CLEC6A: variants seen among roughly 807,000 people sequenced by gnomAD.
CLEC6A encodes the protein C-type lectin domain family 6 member A.
CLEC6A carries 22 observed loss-of-function variants against 25.7 expected under a neutral mutation model. The ratio of observed to expected loss-of-function variants is 0.85; its 90% CI spans 0.61 to 1.22. The LOEUF is 1.22. CLEC6A is among the 50% of genes most tolerant of loss of function. The pLI, the probability that CLEC6A is intolerant of heterozygous loss-of-function variation, is 0.00. For synonymous variants in CLEC6A, 92 were observed against 76.7 expected (o/e 1.20, Z -1.04); for missense variants, 240 against 236.8 (o/e 1.01, Z -0.09).
chr12:8,477,045 C>A (rs547776776), intron 5 of CLEC6A, among the ~76,000 whole-genome samples: 1 of 152,058 alleles, frequency 6.6e-6, no homozygotes, highest in Non-Finnish European at 1.5e-5. Context: ...ATAACCCCGC[C>A]AGCATAAAGG....
intron 5 of CLEC6A, 63 bp from the exon 6 acceptor site, chr12:8,477,257 T>C (rs1939987696): frequency 2.9e-6 from 4 of 1,381,084 alleles, no homozygotes; most frequent in Non-Finnish European, 4.0e-6. Context: ...CAGACTTTTA[T>C]ACTTTCTAAT....
intron 5 of CLEC6A, among the ~76,000 whole-genome samples, chr12:8,476,609 A>G (rs763363277): frequency 6.6e-6 from 1 of 152,252 alleles, no homozygotes; most frequent in South Asian, 2.1e-4. Flanking sequence ...GGTCAGAACT[A>G]TGTACAATTT....
chr12:8,475,735 CT>C (rs1175132686), intron 4 of CLEC6A, among the ~76,000 whole-genome samples: 1 of 152,110 alleles, frequency 6.6e-6, no homozygotes, highest in African/African-American at 2.4e-5. Flanking sequence ...AAATGCTAAT[CT>C]CATCTGAAAA....
chr12:8,459,839 C>T (rs1939730016), intron 3 of CLEC6A, 141 bp downstream of exon 3: 2 of 639,666 alleles, frequency 3.1e-6, no homozygotes, highest in South Asian at 1.8e-5. Flanking sequence ...CATAATTTCT[C>T]TAAACATACA....
At chr12:8,459,164 G>C (rs1005772071) in intron 2 of CLEC6A, among the ~76,000 whole-genome samples, 1 of 151,836 alleles carries the variant, frequency 6.6e-6, no homozygotes, top group Non-Finnish European at 1.5e-5. Flanking sequence ...TACCCTTGTA[G>C]GTGTTTGTGA....
chr12:8,461,112 A>G, intron 3 of CLEC6A: 3 of 1,594,662 alleles, frequency 1.9e-6, no homozygotes, highest in South Asian at 1.1e-5. Context: ...GTGGGCTGAC[A>G]TCTGCAGGCT....
At chr12:8,459,452 A>T in intron 2 of CLEC6A, 145 bp from the exon 3 acceptor site, 1 of 559,886 alleles carries the variant, frequency 1.8e-6, no homozygotes, top group Non-Finnish European at 3.3e-6. Flanking sequence ...AATACAAGCA[A>T]ATAATAATTT....
At chr12:8,474,320 A>T (rs1939943101) in intron 4 of CLEC6A, among the ~76,000 whole-genome samples, 1 of 152,152 alleles carries the variant, frequency 6.6e-6, no homozygotes, top group Admixed American at 6.6e-5. Flanking sequence ...CATTTATTGA[A>T]TAGGGAATTC....
chr12:8,476,365 A>C (rs1176553285), intron 5 of CLEC6A, 125 bp downstream of exon 5: 5 of 637,752 alleles, frequency 7.8e-6, no homozygotes, highest in Non-Finnish European at 1.4e-5. Flanking sequence ...ATTACTAAGG[A>C]TATGCATTAT....
chr12:8,460,649 G>A (rs968660980), intron 3 of CLEC6A: 89 of 1,480,378 alleles, frequency 6.0e-5, no homozygotes, highest in Non-Finnish European at 3.6e-5. Context: ...CAGGAGCTAT[G>A]GAGAAAGAAG....
intron 4 of CLEC6A, among the ~76,000 whole-genome samples, chr12:8,470,949 A>G (rs1160359505): frequency 6.6e-6 from 1 of 152,086 alleles, no homozygotes; most frequent in African/African-American, 2.4e-5. Context: ...TATGACTTTT[A>G]TCATGTTGAG....
chr12:8,473,440 G>A (rs1180901410), intron 4 of CLEC6A, among the ~76,000 whole-genome samples: 1 of 152,168 alleles, frequency 6.6e-6, no homozygotes, highest in South Asian at 2.1e-4. Flanking sequence ...GTATTCCATG[G>A]TGTATATGTA....
rs1013425615 is a variant in CLEC6A, at chr12:8,456,063, G to C, written c.-49G>C. ...AGTCTCTGGGCAACATCTTTAGGGA[G>C]AGAGGTACAAAAGGTTCCTGGACCT... On this transcript the variant is annotated 5_prime_UTR_variant, in exon 1 of 6. Coordinates refer to ENST00000382073, the MANE Select transcript of CLEC6A (RefSeq NM_001007033.2). 3 of 1,597,636 alleles carry C rather than the reference G, an allele frequency of 1.9e-6. No homozygotes were observed. The highest frequency in any genetic ancestry group is 2.6e-6 in the Non-Finnish European group (3 of 1,165,674).
intron 4 of CLEC6A, among the ~76,000 whole-genome samples, chr12:8,474,526 T>C (rs1939945299): frequency 6.6e-6 from 1 of 152,208 alleles, no homozygotes; most frequent in Non-Finnish European, 1.5e-5. Flanking sequence ...TTTGTTCTTT[T>C]GAGCAGGTAC....
chr12:8,457,053 G>C (rs925224831), intron 1 of CLEC6A, among the ~76,000 whole-genome samples: 2 of 151,840 alleles, frequency 1.3e-5, no homozygotes, highest in African/African-American at 4.8e-5. Context: ...GAGGTTGCAG[G>C]GTGCCAAGAT....
chr12:8,474,101 T>G (rs1205583735), intron 4 of CLEC6A, among the ~76,000 whole-genome samples: 3 of 152,212 alleles, frequency 2.0e-5, no homozygotes, highest in Non-Finnish European at 4.4e-5. Flanking sequence ...GAATTTTTGT[T>G]TTCATTGCAA....
In CLEC6A at chr12:8,464,944, C is replaced by T. The variant is rs767296922; in HGVS notation, c.224-540C>T. ...TTATACATTTTATGTGATTAAGTCC[C>T]CCTGTGAGGTTGGCACTATTATTAT... On this transcript the variant is annotated intron_variant, in intron 3 of 5. Transcript: ENST00000382073. Among the ~76,000 whole-genome samples the T allele has an allele frequency of 4.6e-5, 7 of 152,220 alleles. No homozygotes were observed. In the South Asian group the frequency reaches 1.5e-3, roughly 32 times the overall value.
chr12:8,465,573 C>T lies in CLEC6A; in HGVS notation c.313C>T (p.Gln105Ter). The change falls in exon 4 of 6, where the codon CAG (glutamine) becomes TAG (stop). Residue 105 changes from glutamine to a stop codon, truncating the protein, a stop_gained. Transcript: ENST00000382073. LOFTEE classifies it high-confidence loss of function. ...SEEKVWSKSE[Q>*]NCVEMGAHLV... The stretch of plus-strand genomic sequence containing the variant: ...AGAGAAGGTTTGGTCTAAGAGTGAG[C>T]AGAACTGTGTTGAGATGGGAGCACA... The T allele has an allele frequency of 6.2e-7, 1 of 1,613,926 alleles. No individual in the cohort carries two copies.
intron 4 of CLEC6A, among the ~76,000 whole-genome samples, chr12:8,467,112 G>T (rs1939842837): frequency 1.3e-5 from 2 of 152,050 alleles, no homozygotes; most frequent in Admixed American, 6.5e-5. Flanking sequence ...CCAGATATAT[G>T]GTTTGCAAGT....
Sources: allele counts gnomAD v4.1 joint callset (sites outside exome capture counted in the v4.1 genomes callset), GRCh38; gene constraint gnomAD v4.1.1; transcripts MANE v1.5; gene names NCBI Gene and HGNC (gene_info 2026-07-23, HGNC 2026-07-21).